Variants in APPBP2 observed in about 807,000 individuals in gnomAD.
APPBP2 encodes amyloid protein-binding protein 2.
A neutral mutation model predicts 76.0 loss-of-function variants in APPBP2; 15 were observed. The observed-to-expected ratio is 0.20, with a 90% CI of 0.13 to 0.30. The LOEUF is 0.30. Among genes scored for constraint, APPBP2 ranks in the 10% least tolerant of loss-of-function variants. The pLI is 1.00. For synonymous variants in APPBP2, 222 were observed against 242.2 expected (o/e 0.92, Z 0.77); for missense variants, 401 against 687.2 (o/e 0.58, Z 4.66).
chr17:60,504,586 C>G (rs2090851632), intron 1 of APPBP2, among the ~76,000 whole-genome samples: 1 of 152,170 alleles, frequency 6.6e-6, no homozygotes, highest in African/African-American at 2.4e-5. Flanking sequence ...CATTGCTTTC[C>G]TAAGCATCAC....
At chr17:60,512,808 T>G (rs1219186607) in intron 1 of APPBP2, among the ~76,000 whole-genome samples, 7 of 115,310 alleles carry the variant, frequency 6.1e-5, no homozygotes, top group African/African-American at 2.5e-4. Context: ...CACTCCAGCC[T>G]AGGCAACAGA....
chr17:60,468,677 C>T (rs181318068), intron 4 of APPBP2, among the ~76,000 whole-genome samples: 59 of 152,302 alleles, frequency 3.9e-4, no homozygotes, highest in Admixed American at 3.9e-3. Context: ...TCCATCTGGG[C>T]TGACACTAAG....
At chr17:60,477,480 C>T (rs748695430) in intron 4 of APPBP2, 12 of 152,080 alleles carry the variant, frequency 7.9e-5, no homozygotes, top group Middle Eastern at 3.4e-3. Flanking sequence ...TCCCAAATCC[C>T]ATATGGGATA....
chr17:60,482,903 G>C (rs2090641882), intron 3 of APPBP2, among the ~76,000 whole-genome samples: 1 of 152,184 alleles, frequency 6.6e-6, no homozygotes, highest in Non-Finnish European at 1.5e-5. Context: ...ATGTGCATAT[G>C]TCTTTATAGT....
At position 60,452,162 on chromosome 17, in the gene APPBP2, C is replaced by T. The variant is rs925914537; in HGVS notation, c.1339-117G>A. 3.9e-5 allele frequency: 41 copies of T among 1,058,998 alleles called. No homozygotes were observed. In the African/African-American group the frequency reaches 4.4e-4, roughly 11 times the overall value. 65.6% of individuals were successfully genotyped at this position (1,058,998 alleles called of 1,614,324 possible). On this transcript the variant is annotated intron_variant, in intron 11 of 12. Coordinates refer to ENST00000083182, the MANE Select transcript of APPBP2 (RefSeq NM_006380.5). ...CATCTTATGAATGCCATAAGGTAATCAGATCAAAGAACATACTATGTTATT... is the reference window on the plus strand; with the variant it reads ...CATCTTATGAATGCCATAAGGTAATTAGATCAAAGAACATACTATGTTATT...
At chr17:60,490,499 T>C (rs1026753974) in intron 3 of APPBP2, among the ~76,000 whole-genome samples, 7 of 152,152 alleles carry the variant, frequency 4.6e-5, no homozygotes, top group African/African-American at 1.4e-4. Flanking sequence ...TAGCAAGACC[T>C]TGTCTCAACA....
intron 2 of APPBP2, among the ~76,000 whole-genome samples, chr17:60,499,566 A>G (rs1042614140): frequency 6.6e-6 from 1 of 152,186 alleles, no homozygotes; most frequent in African/African-American, 2.4e-5. Context: ...TTCTGAGTAT[A>G]TAACCAAAAT....
chr17:60,499,879 T>C (rs2090808088), intron 2 of APPBP2, among the ~76,000 whole-genome samples: 1 of 152,138 alleles, frequency 6.6e-6, no homozygotes, highest in Non-Finnish European at 1.5e-5. Flanking sequence ...TCATCTAAAG[T>C]ACAATGGTGG....
At position 60,479,216 on chromosome 17, in the gene APPBP2, G is replaced by A. The variant is rs150922315; in HGVS notation, c.435C>T (p.Ser145=). ...CGTGTAGAGTACACAACTGAAGGCA[G>A]GACAGAAAAACTTTCTCAGCATCAC... is the stretch of plus-strand genomic sequence containing the variant. The part of the protein sequence containing the change: ...WYSDAEKVFL[S]CLQLCTLHDE... The change falls in exon 4 of 13, where the codon TCC becomes TCT. Residue 145 remains serine (S), a synonymous_variant. Coordinates refer to ENST00000083182, the MANE Select transcript of APPBP2 (RefSeq NM_006380.5). The A allele has an allele frequency of 2.5e-6, 4 of 1,613,764 alleles. No individual in the cohort carries two copies. The highest frequency in any genetic ancestry group is 2.2e-5 in the South Asian group (2 of 91,006).
chr17:60,488,352 C>A (rs897344487), intron 3 of APPBP2, among the ~76,000 whole-genome samples: 1 of 152,212 alleles, frequency 6.6e-6, no homozygotes, highest in Non-Finnish European at 1.5e-5. Flanking sequence ...ATATTAAATT[C>A]TGTCTCTATA....
chr17:60,478,344 CAG>C (rs1292709279), intron 4 of APPBP2, among the ~76,000 whole-genome samples: 1 of 151,852 alleles, frequency 6.6e-6, no homozygotes, highest in Non-Finnish European at 1.5e-5. Context: ...GACAATAAAG[CAG>C]AGTTACTTCT....
Position 60,526,196 on chromosome 17 carries a change from G to A in APPBP2, c.-265C>T, listed in dbSNP as rs1029343211. 6.5e-6 allele frequency: 3 copies of A among 463,056 alleles called. No individual in the cohort carries two copies. Among genetic ancestry groups the A allele is most frequent in the South Asian group, 2.1e-5 (1 of 47,692 alleles). The allele number at this position is 463,056 out of a possible 1,614,324, so 28.7% of individuals were successfully genotyped here. On this transcript the variant is annotated 5_prime_UTR_variant, in exon 1 of 13. Coordinates refer to ENST00000083182, the MANE Select transcript of APPBP2 (RefSeq NM_006380.5). ...CACAATCCCGGTTCGAGAGGAACCCGGGTTCCGTCCCAGCGCTGATCTCTG... is the reference window on the plus strand; with the variant it reads ...CACAATCCCGGTTCGAGAGGAACCCAGGTTCCGTCCCAGCGCTGATCTCTG...
intron 3 of APPBP2, among the ~76,000 whole-genome samples, chr17:60,481,194 TC>T (rs149692201): frequency 0.015 from 2,256 of 152,264 alleles, 49 homozygotes; most frequent in African/African-American, 0.05. Flanking sequence ...TTTCCTTGGT[TC>T]CCCAAGCCAT....
chr17:60,505,210 C>A (rs548814590), intron 1 of APPBP2, among the ~76,000 whole-genome samples: 1 of 152,224 alleles, frequency 6.6e-6, no homozygotes, highest in Non-Finnish European at 1.5e-5. Context: ...CTCAAAATTA[C>A]GGTCCACACA....
intron 1 of APPBP2, among the ~76,000 whole-genome samples, chr17:60,501,964 C>A (rs143589084): frequency 1.6e-4 from 24 of 152,028 alleles, no homozygotes; most frequent in Non-Finnish European, 3.1e-4. Context: ...CACATGCTCA[C>A]GAAGGAAAGG....
At chr17:60,513,724 G>T (rs902704696) in intron 1 of APPBP2, among the ~76,000 whole-genome samples, 2 of 151,758 alleles carry the variant, frequency 1.3e-5, no homozygotes, top group African/African-American at 4.8e-5. Context: ...TTAGCCGGGC[G>T]TGGTGGCGGG....
At chr17:60,505,776 C>T (rs994363693) in intron 1 of APPBP2, among the ~76,000 whole-genome samples, 16 of 148,300 alleles carry the variant, frequency 1.1e-4, no homozygotes, top group Non-Finnish European at 1.9e-4. Context: ...CTCTGCCTCC[C>T]GGGTTCAAGC....
chr17:60,491,645 A>G (rs2090730191), intron 3 of APPBP2, among the ~76,000 whole-genome samples: 1 of 151,696 alleles, frequency 6.6e-6, no homozygotes, highest in African/African-American at 2.4e-5. Flanking sequence ...CGGTTTCACC[A>G]TGTTGGCCAG....
intron 12 of APPBP2, among the ~76,000 whole-genome samples, chr17:60,451,648 T>C (rs946028766): frequency 1.3e-5 from 2 of 152,048 alleles, no homozygotes; most frequent in African/African-American, 4.8e-5. Context: ...TAATTTGTTT[T>C]TGTATTTTTT....
Sources: gnomAD v4.1 joint callset for allele counts (sites outside exome capture counted in the v4.1 genomes callset) on GRCh38, gnomAD v4.1.1 for gene constraint, MANE v1.5 for transcripts, NCBI Gene and HGNC (gene_info 2026-07-23, HGNC 2026-07-21) for gene names.